Variants in FAM169A observed in about 807,000 individuals in gnomAD.
FAM169A encodes the protein soluble lamin-associated protein of 75 kDa.
In FAM169A, 24 loss-of-function variants were observed where a neutral mutation model predicts 75.7. The ratio of observed to expected loss-of-function variants is 0.32; its 90% CI spans 0.23 to 0.45. The LOEUF is 0.45. FAM169A is among the 20% of genes least tolerant of loss of function. FAM169A has a pLI of 1.00. For synonymous variants in FAM169A, 271 were observed against 271.0 expected (o/e 1.00, Z 0.00); for missense variants, 673 against 784.0 (o/e 0.86, Z 1.69).
At chr5:74,830,758 T>C (rs1748272056) in intron 5 of FAM169A, among the ~76,000 whole-genome samples, 1 of 152,162 alleles carries the variant, frequency 6.6e-6, no homozygotes, top group Non-Finnish European at 1.5e-5. Flanking sequence ...AACTTGAAAC[T>C]ATAATGTCTG....
At chr5:74,842,194 G>A (rs1561319763) in intron 1 of FAM169A, among the ~76,000 whole-genome samples, 1 of 68,822 alleles carries the variant, frequency 1.5e-5, no homozygotes, top group Non-Finnish European at 2.4e-5. Context: ...GGCCAAGGAA[G>A]GGTGGATCAT....
At chr5:74,845,556 C>A (rs1304255875) in intron 1 of FAM169A, among the ~76,000 whole-genome samples, 1 of 152,094 alleles carries the variant, frequency 6.6e-6, no homozygotes, top group African/African-American at 2.4e-5. Context: ...ACTTGATGTA[C>A]ATATGGTTGG....
At chr5:74,799,799 A>G (rs1746467895) in intron 10 of FAM169A, 1 of 1,087,908 alleles carries the variant, frequency 9.2e-7, no homozygotes, top group East Asian at 2.4e-5. Flanking sequence ...ACTGCTGACC[A>G]ATGCTCTTGA....
chr5:74,851,842 A>T (rs1749460046), intron 1 of FAM169A, among the ~76,000 whole-genome samples: 1 of 152,218 alleles, frequency 6.6e-6, no homozygotes, highest in African/African-American at 2.4e-5. Context: ...CTTACATTAT[A>T]CCTGGCTTCT....
intron 11 of FAM169A, among the ~76,000 whole-genome samples, chr5:74,791,961 T>C (rs1469703762): frequency 1.3e-5 from 2 of 152,238 alleles, no homozygotes; most frequent in Non-Finnish European, 2.9e-5. Flanking sequence ...ATGTATACAT[T>C]TGTACTAAGA....
At chr5:74,816,665 T>A (rs2112585927) in intron 5 of FAM169A, among the ~76,000 whole-genome samples, 1 of 152,312 alleles carries the variant, frequency 6.6e-6, no homozygotes, top group African/African-American at 2.4e-5. Context: ...TCAGGGACTT[T>A]TAAGATTCAC....
intron 5 of FAM169A, among the ~76,000 whole-genome samples, chr5:74,815,196 C>T (rs1747407166): frequency 6.8e-6 from 1 of 147,468 alleles, no homozygotes; most frequent in Non-Finnish European, 1.5e-5. Flanking sequence ...TTTCTTTTTT[C>T]TTTTTTTTTT....
chr5:74,831,308 TTC>T (rs1407493044), intron 5 of FAM169A, among the ~76,000 whole-genome samples: 1 of 152,164 alleles, frequency 6.6e-6, no homozygotes, highest in Non-Finnish European at 1.5e-5. Context: ...TTACGATAAT[TTC>T]TGAGTTGTAC....
At chr5:74,856,812 A>AG (rs1040783594) in intron 1 of FAM169A, among the ~76,000 whole-genome samples, 3 of 150,528 alleles carry the variant, frequency 2.0e-5, no homozygotes, top group Non-Finnish European at 4.4e-5. Context: ...GCACATTTTA[A>AG]GAAAAAAAAA....
At chr5:74,866,627 G>A, upstream of FAM169A, 1 of 733,452 alleles carries the variant, frequency 1.4e-6, no homozygotes, top group South Asian at 6.1e-5. Flanking sequence ...TCACCCGGCA[G>A]CGCGACGCCC....
intron 10 of FAM169A, chr5:74,799,712 C>A: frequency 8.1e-7 from 1 of 1,229,570 alleles, no homozygotes; most frequent in Non-Finnish European, 1.2e-6. Flanking sequence ...GTGCATGTCT[C>A]AATCTGAAGA....
chr5:74,861,005 C>T (rs763544077), intron 1 of FAM169A, among the ~76,000 whole-genome samples: 3 of 151,946 alleles, frequency 2.0e-5, no homozygotes, highest in Non-Finnish European at 4.4e-5. Flanking sequence ...GGCATAGCGG[C>T]GTGCATCTGC....
At chr5:74,794,543 C>A (rs563163182) in intron 11 of FAM169A, among the ~76,000 whole-genome samples, 2 of 151,634 alleles carry the variant, frequency 1.3e-5, no homozygotes, top group East Asian at 3.9e-4. Flanking sequence ...ATGGTGAAAC[C>A]CCGTCTTGGC....
intron 5 of FAM169A, among the ~76,000 whole-genome samples, chr5:74,818,770 G>GCTCTCTCT (rs375359690): frequency 8.9e-5 from 12 of 134,304 alleles, no homozygotes; most frequent in South Asian, 4.9e-4. Context: ...CGGTTTCACA[G>GCTCTCTCT]CTCTCTCTCT....
At chr5:74,849,771 G>A (rs1033542063) in intron 1 of FAM169A, among the ~76,000 whole-genome samples, 14 of 151,974 alleles carry the variant, frequency 9.2e-5, no homozygotes, top group Middle Eastern at 3.4e-3. Context: ...CCTACACAAG[G>A]TCCTAAACGC....
intron 1 of FAM169A, among the ~76,000 whole-genome samples, chr5:74,842,070 T>C (rs1052311420): frequency 9.2e-5 from 14 of 151,632 alleles, no homozygotes; most frequent in African/African-American, 2.9e-4. Context: ...GAAAATGTTC[T>C]ACAATTGGAT....
chr5:74,804,530 C>T lies in FAM169A; in HGVS notation c.875G>A (p.Arg292Lys), dbSNP rs760055872. 1.9e-6 allele frequency: 3 copies of T among 1,611,484 alleles called. No individual in the cohort carries two copies. The highest frequency in any genetic ancestry group is 2.5e-6 in the Non-Finnish European group (3 of 1,178,174). Residue 292 changes from arginine (R) to lysine (K), a missense_variant, in exon 8 of 13, where the codon AGA becomes AAA. By Grantham distance (26) the Arg-to-Lys change is conservative. Around this residue, in one of 3 missense-constraint regions of FAM169A, gnomAD observed 510 missense variants for 550.9 expected, o/e 0.93. Coordinates refer to ENST00000687041, the MANE Select transcript of FAM169A (RefSeq NM_001376049.1). ...GPASVPEYEA[R>K]TEDNQSSEMQ... is the part of the protein sequence containing the mutation. ...CTCACTAGACTGATTGTCTTCAGTT[C>T]TTGCTTCGTATTCTGGAACAGATGC...
chr5:74,812,894 C>A (rs1747278200), intron 6 of FAM169A, among the ~76,000 whole-genome samples: 1 of 152,118 alleles, frequency 6.6e-6, no homozygotes, highest in Non-Finnish European at 1.5e-5. Flanking sequence ...GAAATTGTAA[C>A]CCTCATATAA....
intron 5 of FAM169A, among the ~76,000 whole-genome samples, chr5:74,827,688 A>G (rs1295512760): frequency 1.4e-5 from 2 of 146,216 alleles, no homozygotes; most frequent in Admixed American, 1.4e-4. Context: ...TTTTTTTGAG[A>G]TGGAGTGTCT....
Sources: allele counts gnomAD v4.1 joint callset (sites outside exome capture counted in the v4.1 genomes callset), GRCh38; gene constraint gnomAD v4.1.1; regional missense constraint gnomAD v4.1.1; transcripts MANE v1.5; gene names NCBI Gene and HGNC (gene_info 2026-07-23, HGNC 2026-07-21).